Variants in ELMOD2 observed in about 807,000 individuals in gnomAD.
The protein encoded by ELMOD2 is ELMO domain containing 2.
Under a neutral mutation model 41.0 loss-of-function variants are expected in ELMOD2, and 28 were observed. The ratio of observed to expected loss-of-function variants is 0.68; its 90% CI spans 0.51 to 0.94. ELMOD2 has a LOEUF of 0.94. ELMOD2 is among the 40% of genes least tolerant of loss of function. The pLI is 0.00. For missense variants in ELMOD2, 333 were observed against 343.1 expected (o/e 0.97, Z 0.23); for synonymous variants, 106 against 107.2 (o/e 0.99, Z 0.07).
chr4:140,543,346 A>G, intron 7 of ELMOD2, 107 bp from the exon 8 acceptor site: 1 of 1,201,282 alleles, frequency 8.3e-7, no homozygotes, highest in Non-Finnish European at 1.2e-6. Flanking sequence ...CATAAAATCA[A>G]TACTGTGTTA....
chr4:140,529,310 G>C (rs920490119), intron 3 of ELMOD2, among the ~76,000 whole-genome samples: 3 of 152,198 alleles, frequency 2.0e-5, no homozygotes, highest in African/African-American at 7.2e-5. Flanking sequence ...TTTTCAAACT[G>C]ACCTTAAACA....
In ELMOD2 at chr4:140,550,609, A is replaced by T; in HGVS notation, c.*234A>T. ...AGATCCCCTCTGTAGAGTCATGCGA[A>T]CTACAGTTTGGAACTTGGGACTTAG... is the stretch of plus-strand genomic sequence containing the variant. On this transcript the variant is annotated 3_prime_UTR_variant, in exon 9 of 9. Transcript: ENST00000323570. 1.0e-5 allele frequency: 3 copies of T among 290,520 alleles called. No individual in the cohort carries two copies. The highest frequency in any genetic ancestry group is 1.9e-5 in the Non-Finnish European group (3 of 161,876). The allele number at this position is 290,520 out of a possible 1,614,324, so 18.0% of individuals were successfully genotyped here.
At chr4:140,532,166 G>GTTTTT (rs56301474) in intron 3 of ELMOD2, among the ~76,000 whole-genome samples, 1 of 137,636 alleles carries the variant, frequency 7.3e-6, no homozygotes, top group Admixed American at 7.3e-5. Context: ...ATGTTGAGTT[G>GTTTTT]TTTTTTTTTT....
At chr4:140,548,224 C>T (rs575065313) in intron 8 of ELMOD2, among the ~76,000 whole-genome samples, 1 of 152,160 alleles carries the variant, frequency 6.6e-6, no homozygotes, top group East Asian at 1.9e-4. Context: ...ACATAATAAC[C>T]AGATATACTG....
rs1305764649 is a variant in ELMOD2 at position 140,552,281 on chromosome 4, G to GT, written c.*1912dup. 11 of 151,980 alleles carry GT rather than the reference G, an allele frequency of 7.2e-5. No individual in the cohort carries two copies. The highest frequency in any genetic ancestry group is 1.3e-4 in the Non-Finnish European group (9 of 67,910). The allele number at this position is 151,980 out of a possible 1,614,324, so 9.4% of individuals were successfully genotyped here. On this transcript the variant is annotated 3_prime_UTR_variant, in exon 9 of 9. Coordinates refer to ENST00000323570, the MANE Select transcript of ELMOD2 (RefSeq NM_153702.4). ...TAAAGAAGGGGAAAATTTTAAGTAA[G>GT]TTTTTTCCCTTCTAGGAAGAAAAAC...
chr4:140,525,528 A>T lies in ELMOD2; in HGVS notation c.100A>T (p.Ile34Leu), dbSNP rs755034557. The change falls in exon 2 of 9, where the codon ATA becomes TTA. Residue 34 changes from isoleucine (I) to leucine (L), a missense_variant. Physicochemically the swap from Ile to Leu is conservative, Grantham distance 5. Coordinates refer to ENST00000323570, the MANE Select transcript of ELMOD2 (RefSeq NM_153702.4). ...QMTGKCELQR[I>L]FDTYVGAQRT... ...GACTGGGAAGTGTGAATTGCAGCGA[A>T]TATTTGATACCTATGTAGGTGCACA... is the stretch of plus-strand genomic sequence containing the variant. The T allele has an allele frequency of 1.2e-6, 2 of 1,613,920 alleles. No homozygotes were observed. Among genetic ancestry groups the T allele is most frequent in the Non-Finnish European group, 1.7e-6 (2 of 1,179,922 alleles).
In ELMOD2 at chr4:140,525,509, G is replaced by A. The variant is rs748081807; in HGVS notation, c.81G>A (p.Gly27=). The part of the protein sequence containing the change: ...WMKWLLRQMT[G]KCELQRIFDT... ...AATGGCTATTACGACAGATGACTGG[G>A]AAGTGTGAATTGCAGCGAATATTTG... Residue 27 remains glycine, a synonymous_variant, in exon 2 of 9, where the codon GGG becomes GGA. Transcript: ENST00000323570. 1.2e-6 allele frequency: 2 copies of A among 1,613,994 alleles called. No individual in the cohort carries two copies. The highest frequency in any genetic ancestry group is 1.7e-6 in the Non-Finnish European group (2 of 1,179,956).
intron 8 of ELMOD2, among the ~76,000 whole-genome samples, chr4:140,544,583 C>T (rs1735211958): frequency 6.6e-6 from 1 of 152,084 alleles, no homozygotes; most frequent in South Asian, 2.1e-4. Context: ...AAAGGATTCC[C>T]ATTATAAGGC....
intron 1 of ELMOD2, chr4:140,525,171 C>A: frequency 3.1e-6 from 1 of 318,180 alleles, no homozygotes. Flanking sequence ...TCTTTCAAGC[C>A]ATTGAATAGT....
At position 140,525,524 on chromosome 4, in the gene ELMOD2, G is replaced by C. The variant is rs1431543794; in HGVS notation, c.96G>C (p.Gln32His). 6.2e-7 allele frequency: 1 copy of C among 1,613,778 alleles called. No homozygotes were observed. Among genetic ancestry groups the C allele is most frequent in the African/African-American group, 1.3e-5 (1 of 74,900 alleles). The change falls in exon 2 of 9, where the codon CAG (glutamine) becomes CAC (histidine). Residue 32 changes from glutamine to histidine, a missense_variant. Coordinates refer to ENST00000323570, the MANE Select transcript of ELMOD2 (RefSeq NM_153702.4). The stretch of plus-strand genomic sequence containing the variant: ...AGATGACTGGGAAGTGTGAATTGCA[G>C]CGAATATTTGATACCTATGTAGGTG... ...LRQMTGKCEL[Q>H]RIFDTYVGAQ...
rs1373558204 is a variant in ELMOD2 at position 140,543,544 on chromosome 4, G to A, written c.694G>A (p.Val232Ile). The A allele has an allele frequency of 3.1e-6, 5 of 1,604,906 alleles. No homozygotes were observed. The African/African-American group carries it at 6.7e-5, about 22-fold the overall frequency. The change falls in exon 8 of 9, where the codon GTT becomes ATT. Residue 232 changes from valine (V) to isoleucine (I), a missense_variant. Val to Ile is a conservative substitution (Grantham distance 29). Transcript: ENST00000323570. ...TTTGAAGTTTCATCTCTATAACCTT[G>A]TTCCTGGTATACCAACAATGGAACA... ...EALKFHLYNL[V>I]PGIPTMEHFH...
intron 8 of ELMOD2, among the ~76,000 whole-genome samples, chr4:140,547,908 T>G (rs1735343740): frequency 6.6e-6 from 1 of 152,228 alleles, no homozygotes; most frequent in Non-Finnish European, 1.5e-5. Context: ...CCATCACTTT[T>G]TGCAAAACTT....
chr4:140,541,427 A>G (rs1481478128), intron 6 of ELMOD2, among the ~76,000 whole-genome samples: 2 of 152,144 alleles, frequency 1.3e-5, no homozygotes, highest in Non-Finnish European at 2.9e-5. Context: ...GTTCTATATT[A>G]CAGATTGAAT....
rs1041781372 is a variant in ELMOD2 at position 140,525,554 on chromosome 4, A to G, written c.126A>G (p.Gln42=). 2 of 1,610,374 alleles carry G rather than the reference A, an allele frequency of 1.2e-6. No individual in the cohort carries two copies. Among genetic ancestry groups the G allele is most frequent in the Admixed American group, 1.7e-5 (1 of 59,090 alleles). The stretch of plus-strand genomic sequence containing the variant: ...TATTTGATACCTATGTAGGTGCACA[A>G]AGGACACACAGGATAGGTAATGTTA... The part of the protein sequence containing the change: ...QRIFDTYVGA[Q]RTHRIENSLT... The change falls in exon 2 of 9, where the codon CAA becomes CAG. Residue 42 remains glutamine (Q), a synonymous_variant. Transcript: ENST00000323570.
chr4:140,527,720 T>C, intron 3 of ELMOD2: 1 of 450,212 alleles, frequency 2.2e-6, no homozygotes. Context: ...TGAGGTTTTA[T>C]TTGTTTATTT....
At chr4:140,524,658 A>G (rs905937682) in intron 1 of ELMOD2, 1 of 985,416 alleles carries the variant, frequency 1.0e-6, no homozygotes, top group Non-Finnish European at 1.2e-6. Context: ...GCCCTAGTCC[A>G]GAGGTGACGT....
At chr4:140,549,332 T>A (rs1388739385) in intron 8 of ELMOD2, among the ~76,000 whole-genome samples, 3 of 146,954 alleles carry the variant, frequency 2.0e-5, no homozygotes, top group Non-Finnish European at 4.5e-5. Flanking sequence ...TGGGTGGTTT[T>A]AAATTCACAT....
Position 140,537,785 on chromosome 4 carries a change from A to G in ELMOD2, c.399+244A>G, listed in dbSNP as rs974788522. ...TGAATATATATTTATATGAATAAAT[A>G]TATTCAAATAAATTTTATTTTAATG... On this transcript the variant is annotated intron_variant, in intron 5 of 8. Transcript: ENST00000323570. Among the ~76,000 whole-genome samples the G allele has an allele frequency of 2.7e-5, 4 of 150,762 alleles. No individual in the cohort carries two copies. In the East Asian group the frequency reaches 5.8e-4, roughly 22 times the overall value.
chr4:140,529,830 A>G (rs1734689205), intron 3 of ELMOD2, among the ~76,000 whole-genome samples: 1 of 152,118 alleles, frequency 6.6e-6, no homozygotes, highest in African/African-American at 2.4e-5. Flanking sequence ...GTCTCTCTTT[A>G]TGATCCCCTT....
Sources: allele counts gnomAD v4.1 joint callset (sites outside exome capture counted in the v4.1 genomes callset), GRCh38; gene constraint gnomAD v4.1.1; transcripts MANE v1.5; gene names NCBI Gene and HGNC (gene_info 2026-07-23, HGNC 2026-07-21).